Variants in RFX7 observed in about 807,000 individuals in gnomAD.
RFX7 encodes the protein DNA-binding protein RFX7.
RFX7 carries 26 observed loss-of-function variants against 111.8 expected under a neutral mutation model. The observed-to-expected ratio is 0.23, with a 90% CI of 0.17 to 0.32. The LOEUF is 0.32. Ranked by LOEUF, RFX7 falls within the 10% of genes least tolerant of loss-of-function variation. The pLI is 1.00. For missense variants in RFX7, 1,573 were observed against 1,772.9 expected, an observed-to-expected ratio of 0.89 and a Z score of 2.02; for synonymous variants, 624 against 624.4, an observed-to-expected ratio of 1.00 and a Z score of 0.01.
At position 56,087,441 on chromosome 15, in the gene RFX7, C is replaced by T. The variant is rs2041540812; in HGVS notation, c.*5904G>A. 2.2e-6 allele frequency: 1 copy of T among 456,534 alleles called. No homozygotes were observed. Among genetic ancestry groups the T allele is most frequent in the Non-Finnish European group, 4.4e-6 (1 of 226,972 alleles). 28.3% of individuals were successfully genotyped at this position (456,534 alleles called of 1,614,324 possible). On this transcript the variant is annotated 3_prime_UTR_variant, in exon 10 of 10. Transcript: ENST00000559447. ...TCAGCATGTGTCTTTAACATGAAGT[C>T]CAGGAGGGCTGCTTGAGTTCTAGCC...
intron 5 of RFX7, among the ~76,000 whole-genome samples, chr15:56,126,121 G>C (rs919267789): frequency 6.6e-6 from 1 of 152,132 alleles, no homozygotes; most frequent in African/African-American, 2.4e-5. Context: ...ATGGCAACTA[G>C]AACTGACCAT....
intron 3 of RFX7, among the ~76,000 whole-genome samples, chr15:56,153,719 T>C (rs1369051800): frequency 6.6e-6 from 1 of 152,210 alleles, no homozygotes; most frequent in African/African-American, 2.4e-5. Flanking sequence ...AGCATTCCCT[T>C]TGAAAACTGG....
At chr15:56,199,759 G>A (rs2043176536) in intron 2 of RFX7, among the ~76,000 whole-genome samples, 1 of 148,544 alleles carries the variant, frequency 6.7e-6, no homozygotes, top group East Asian at 2.3e-4. Context: ...TGACTTAGAA[G>A]AATCATTTTT....
intron 2 of RFX7, among the ~76,000 whole-genome samples, chr15:56,227,396 C>A (rs1258212600): frequency 1.3e-5 from 2 of 152,140 alleles, no homozygotes; most frequent in African/African-American, 4.8e-5. Context: ...TGGACCATAT[C>A]TTTAACTTTT....
At chr15:56,186,420 A>T (rs2043038661) in intron 2 of RFX7, among the ~76,000 whole-genome samples, 1 of 152,162 alleles carries the variant, frequency 6.6e-6, no homozygotes, top group Non-Finnish European at 1.5e-5. Flanking sequence ...AGCTCCCCTG[A>T]TTCCTTGTTA....
chr15:56,125,759 T>C (rs1388501511), intron 5 of RFX7, among the ~76,000 whole-genome samples: 1 of 152,108 alleles, frequency 6.6e-6, no homozygotes, highest in Admixed American at 6.6e-5. Flanking sequence ...AAAAGGATAG[T>C]AGGCAAACAT....
At chr15:56,142,701 A>G in intron 5 of RFX7, 77 bp downstream of exon 5, 1 of 1,339,526 alleles carries the variant, frequency 7.5e-7, no homozygotes, top group East Asian at 2.4e-5. Context: ...CACCAATAAT[A>G]AAACAAATCA....
At chr15:56,123,128 T>A (rs2042099633) in intron 5 of RFX7, among the ~76,000 whole-genome samples, 1 of 152,020 alleles carries the variant, frequency 6.6e-6, no homozygotes, top group Non-Finnish European at 1.5e-5. Flanking sequence ...CAACCAGAAG[T>A]CTTGCCTTGT....
chr15:56,211,292 C>T (rs1188522349), intron 2 of RFX7, among the ~76,000 whole-genome samples: 1 of 151,900 alleles, frequency 6.6e-6, no homozygotes, highest in African/African-American at 2.4e-5. Flanking sequence ...AAAGGCAATA[C>T]AACAAAGAAA....
chr15:56,205,553 G>T (rs2043241580), intron 2 of RFX7, among the ~76,000 whole-genome samples: 1 of 152,062 alleles, frequency 6.6e-6, no homozygotes, highest in Admixed American at 6.5e-5. Context: ...CTTTAAAATT[G>T]AATGTAAATG....
intron 3 of RFX7, among the ~76,000 whole-genome samples, chr15:56,171,195 G>C (rs1389609068): frequency 6.6e-6 from 1 of 152,150 alleles, no homozygotes; most frequent in Non-Finnish European, 1.5e-5. Context: ...AAAGCAGGCT[G>C]AGGAAGAGTC....
intron 2 of RFX7, among the ~76,000 whole-genome samples, chr15:56,221,770 T>C (rs1380345487): frequency 1.3e-5 from 2 of 152,228 alleles, no homozygotes; most frequent in African/African-American, 4.8e-5. Context: ...CTTAATATTG[T>C]AAGTTCATCA....
chr15:56,178,513 G>A (rs559923141), intron 3 of RFX7, among the ~76,000 whole-genome samples: 1 of 152,084 alleles, frequency 6.6e-6, no homozygotes, highest in Non-Finnish European at 1.5e-5. Context: ...AGTCACAAGT[G>A]GGGAAAGAGA....
At chr15:56,218,002 G>C (rs1372105794) in intron 2 of RFX7, among the ~76,000 whole-genome samples, 1 of 151,612 alleles carries the variant, frequency 6.6e-6, no homozygotes, top group Non-Finnish European at 1.5e-5. Flanking sequence ...AACACTCAGG[G>C]GGAAAAAAAA....
rs571456764 is a variant in RFX7, at chr15:56,243,785, A to ACGCCGCCGC, written c.-352_-344dup. 1.3e-4 allele frequency among the ~76,000 whole-genome samples: 19 copies of ACGCCGCCGC among 147,472 alleles called. No individual in the cohort carries two copies. Among genetic ancestry groups the ACGCCGCCGC allele is most frequent in the East Asian group, 2.0e-4 (1 of 5,064 alleles). On this transcript the variant is annotated 5_prime_UTR_variant, in exon 1 of 10. Transcript: ENST00000559447. ...CAGGCACCGCTCCACGCCACTCCCC[A>ACGCCGCCGC]CGCCGCCGCCGCCGCCGCCGCTCGC...
intron 2 of RFX7, among the ~76,000 whole-genome samples, chr15:56,218,664 T>C (rs533442268): frequency 6.6e-6 from 1 of 152,158 alleles, no homozygotes; most frequent in East Asian, 1.9e-4. Context: ...TAACAGCATG[T>C]GTAGCGAGCA....
chr15:56,178,087 T>A (rs1364887336), intron 3 of RFX7, among the ~76,000 whole-genome samples: 2 of 151,002 alleles, frequency 1.3e-5, no homozygotes, highest in African/African-American at 4.9e-5. Flanking sequence ...GTGTCTTCAT[T>A]TGTAAAAGGG....
At chr15:56,170,010 A>G (rs932483832) in intron 3 of RFX7, among the ~76,000 whole-genome samples, 1 of 152,218 alleles carries the variant, frequency 6.6e-6, no homozygotes, top group Non-Finnish European at 1.5e-5. Flanking sequence ...CAAATATTTT[A>G]TAAGTGTATG....
intron 3 of RFX7, among the ~76,000 whole-genome samples, chr15:56,153,082 A>T (rs2042598075): frequency 6.6e-6 from 1 of 152,132 alleles, no homozygotes; most frequent in South Asian, 2.1e-4. Flanking sequence ...CCTACCAACC[A>T]AAAAAAGTCC....
Sources: gnomAD v4.1 joint callset for allele counts (sites outside exome capture counted in the v4.1 genomes callset) on GRCh38, gnomAD v4.1.1 for gene constraint, MANE v1.5 for transcripts, NCBI Gene and HGNC (gene_info 2026-07-23, HGNC 2026-07-21) for gene names.